Variants in CADM1 observed in about 807,000 individuals in gnomAD.
The protein encoded by CADM1 is cell adhesion molecule 1.
A neutral mutation model predicts 53.1 loss-of-function variants in CADM1; 15 were observed. The observed-to-expected ratio is 0.28, with a 90% CI of 0.19 to 0.44. The LOEUF (loss-of-function observed/expected upper bound fraction) is 0.44, where lower values mean the gene tolerates loss of function less well. CADM1 is among the 20% of genes least tolerant of loss of function. CADM1 has a pLI of 1.00. For missense variants in CADM1, 434 were observed against 611.3 expected (o/e 0.71, Z 3.06); for synonymous variants, 281 against 243.0 (o/e 1.16, Z -1.45).
intron 1 of CADM1, among the ~76,000 whole-genome samples, chr11:115,303,387 G>A (rs1170076729): frequency 2.0e-5 from 3 of 151,950 alleles, no homozygotes; most frequent in Admixed American, 6.6e-5. Flanking sequence ...GACGCTCCCC[G>A]GTGGGCAAGC....
chr11:115,429,718 C>T (rs61305651), intron 1 of CADM1, among the ~76,000 whole-genome samples: 152,298 of 152,300 alleles, frequency 1, 76,148 homozygotes, highest in Middle Eastern at 1. Context: ...GCACTAAGCT[C>T]TGCTGAGCTC....
intron 1 of CADM1, among the ~76,000 whole-genome samples, chr11:115,438,310 A>T (rs1159303173): frequency 6.6e-6 from 1 of 152,070 alleles, no homozygotes; most frequent in South Asian, 2.1e-4. Flanking sequence ...TTTTTAATGA[A>T]TCTTACCAGC....
chr11:115,220,932 A>G (rs1290330821), intron 5 of CADM1, among the ~76,000 whole-genome samples: 1 of 152,220 alleles, frequency 6.6e-6, no homozygotes, highest in Admixed American at 6.5e-5. Flanking sequence ...TGAATAGCCC[A>G]GAGCTCATCA....
At chr11:115,423,408 C>A (rs753856403) in intron 1 of CADM1, among the ~76,000 whole-genome samples, 6 of 152,124 alleles carry the variant, frequency 3.9e-5, no homozygotes, top group Non-Finnish European at 5.9e-5. Context: ...TGGAAAAGAA[C>A]CATTTAGACC....
chr11:115,238,385 G>C, intron 3 of CADM1, 115 bp downstream of exon 3: 1 of 1,154,272 alleles, frequency 8.7e-7, no homozygotes. Flanking sequence ...GATGGGCGGT[G>C]ATTCTTCCTG....
intron 8 of CADM1, among the ~76,000 whole-genome samples, chr11:115,199,273 C>A: frequency 6.6e-6 from 1 of 152,230 alleles, no homozygotes. Flanking sequence ...CTTTCGCTCA[C>A]AATTCAGAAC....
intron 1 of CADM1, among the ~76,000 whole-genome samples, chr11:115,401,888 T>C (rs749558088): frequency 6.6e-6 from 1 of 152,092 alleles, no homozygotes; most frequent in African/African-American, 2.4e-5. Flanking sequence ...AGGCTATGCA[T>C]GTATGGGGAC....
chr11:115,239,189 A>C (rs1304188653), intron 2 of CADM1, among the ~76,000 whole-genome samples: 1 of 152,194 alleles, frequency 6.6e-6, no homozygotes, highest in Non-Finnish European at 1.5e-5. Flanking sequence ...AAAAGCCTTC[A>C]TATTAATTAC....
chr11:115,255,233 G>T (rs1239572292), intron 1 of CADM1, among the ~76,000 whole-genome samples: 1 of 152,200 alleles, frequency 6.6e-6, no homozygotes, highest in African/African-American at 2.4e-5. Flanking sequence ...GACCAGCAAA[G>T]AGCTAATTTC....
chr11:115,277,059 C>G (rs578033098), intron 1 of CADM1, among the ~76,000 whole-genome samples: 2 of 152,202 alleles, frequency 1.3e-5, no homozygotes. Context: ...TTGTCAGCAA[C>G]GAAACATCTC....
chr11:115,360,402 G>A (rs1201424896), intron 1 of CADM1, among the ~76,000 whole-genome samples: 1 of 152,170 alleles, frequency 6.6e-6, no homozygotes, highest in Admixed American at 6.6e-5. Flanking sequence ...GATTATTAAT[G>A]ATAACAGGGC....
chr11:115,203,064 G>T (rs1385557822), intron 8 of CADM1, among the ~76,000 whole-genome samples: 1 of 152,044 alleles, frequency 6.6e-6, no homozygotes, highest in Admixed American at 6.6e-5. Flanking sequence ...GGAGAGACAG[G>T]ATAAAGCTCT....
intron 1 of CADM1, among the ~76,000 whole-genome samples, chr11:115,337,280 G>A (rs1304372508): frequency 6.6e-6 from 1 of 152,096 alleles, no homozygotes; most frequent in Non-Finnish European, 1.5e-5. Context: ...TAATACATGT[G>A]CTAATTTGAT....
At chr11:115,295,225 T>C (rs907053177) in intron 1 of CADM1, among the ~76,000 whole-genome samples, 1 of 152,072 alleles carries the variant, frequency 6.6e-6, no homozygotes, top group Non-Finnish European at 1.5e-5. Flanking sequence ...CACTTTCACT[T>C]GCATCAGTGA....
intron 1 of CADM1, among the ~76,000 whole-genome samples, chr11:115,494,166 G>A (rs991900009): frequency 7.2e-5 from 11 of 152,222 alleles, no homozygotes; most frequent in African/African-American, 2.6e-4. Flanking sequence ...TGGGGAAAAT[G>A]TTAACAGTTG....
intron 1 of CADM1, among the ~76,000 whole-genome samples, chr11:115,296,026 C>T (rs1458103796): frequency 2.0e-5 from 3 of 152,168 alleles, no homozygotes; most frequent in African/African-American, 7.2e-5. Context: ...CCATAGTTCA[C>T]TATAACCTGG....
intron 11 of CADM1, among the ~76,000 whole-genome samples, chr11:115,176,795 G>A (rs1174772674): frequency 1.3e-5 from 2 of 152,162 alleles, no homozygotes; most frequent in African/African-American, 4.8e-5. Flanking sequence ...CAACTGAACC[G>A]CTGCGATATA....
intron 1 of CADM1, among the ~76,000 whole-genome samples, chr11:115,320,832 A>G (rs1435533894): frequency 2.0e-5 from 3 of 152,166 alleles, no homozygotes; most frequent in African/African-American, 7.2e-5. Context: ...ATCAATATAA[A>G]ATGTGGGTTT....
intron 1 of CADM1, among the ~76,000 whole-genome samples, chr11:115,323,267 T>C (rs1388462506): frequency 1.3e-5 from 2 of 152,192 alleles, no homozygotes; most frequent in East Asian, 3.8e-4. Context: ...GAGCAACTTT[T>C]AGTCAACTAT....
Sources: allele counts gnomAD v4.1 joint callset (sites outside exome capture counted in the v4.1 genomes callset), GRCh38; gene constraint gnomAD v4.1.1; transcripts MANE v1.5; gene names NCBI Gene and HGNC (gene_info 2026-07-23, HGNC 2026-07-21).